The following SPATA16 variants were observed in gnomAD, a reference collection of about 807,000 sequenced individuals.
SPATA16 encodes the protein spermatogenesis-associated protein 16.
Under a neutral mutation model 63.3 loss-of-function variants are expected in SPATA16, and 36 were observed. The ratio of observed to expected loss-of-function variants is 0.57; its 90% CI spans 0.44 to 0.75. The LOEUF is 0.75. Ranked by LOEUF, SPATA16 falls within the 30% of genes least tolerant of loss-of-function variation. The pLI, the probability that SPATA16 is intolerant of heterozygous loss-of-function variation, is 0.00. For synonymous variants in SPATA16, 203 were observed against 216.7 expected, an observed-to-expected ratio of 0.94 and a Z score of 0.56; for missense variants, 646 against 679.3, an observed-to-expected ratio of 0.95 and a Z score of 0.54.
intron 3 of SPATA16, among the ~76,000 whole-genome samples, chr3:173,023,144 TGTGTGTGTG>T (rs1735374808): frequency 6.6e-6 from 1 of 150,758 alleles, no homozygotes; most frequent in African/African-American, 2.4e-5. Context: ...TGTATGTGTG[TGTGTGTGTG>T]TGTGTGTGTG....
intron 10 of SPATA16, among the ~76,000 whole-genome samples, chr3:172,893,430 G>A (rs978101380): frequency 2.0e-5 from 3 of 152,182 alleles, no homozygotes; most frequent in African/African-American, 7.2e-5. Context: ...GAGAGGCAGG[G>A]AACAGTTTCT....
intron 7 of SPATA16, 62 bp from the exon 8 acceptor site, chr3:172,924,379 T>G (rs1288334013): frequency 7.4e-7 from 1 of 1,348,830 alleles, no homozygotes; most frequent in Non-Finnish European, 1.1e-6. Context: ...CAAAATATTT[T>G]CTTTAGCAAG....
At chr3:172,941,835 T>C (rs1733153474) in intron 6 of SPATA16, among the ~76,000 whole-genome samples, 1 of 152,142 alleles carries the variant, frequency 6.6e-6, no homozygotes, top group Non-Finnish European at 1.5e-5. Flanking sequence ...AGGGAAAATA[T>C]CAGGTTAGAA....
At chr3:173,126,446 T>A (rs1252252147) in intron 1 of SPATA16, among the ~76,000 whole-genome samples, 2 of 152,228 alleles carry the variant, frequency 1.3e-5, no homozygotes, top group Non-Finnish European at 2.9e-5. Context: ...ATGAGCATCT[T>A]AAGACAAAGT....
chr3:173,019,869 C>T (rs11918858), intron 3 of SPATA16, among the ~76,000 whole-genome samples: 5,119 of 150,844 alleles, frequency 0.034, 297 homozygotes, highest in African/African-American at 0.12. Context: ...ACATATAAGA[C>T]ATGGTGCTAT....
At chr3:173,031,091 G>T (rs558094473) in intron 3 of SPATA16, among the ~76,000 whole-genome samples, 14 of 152,134 alleles carry the variant, frequency 9.2e-5, no homozygotes, top group African/African-American at 2.9e-4. Context: ...GGGGAACAGG[G>T]ATTTGTTATT....
At chr3:172,914,020 T>C (rs1732427675) in intron 9 of SPATA16, among the ~76,000 whole-genome samples, 1 of 152,100 alleles carries the variant, frequency 6.6e-6, no homozygotes, top group African/African-American at 2.4e-5. Flanking sequence ...GAAAAACAGA[T>C]TGGGGTTGTA....
intron 6 of SPATA16, 84 bp from the exon 7 acceptor site, chr3:172,925,576 G>A (rs1732712097): frequency 1.3e-6 from 2 of 1,547,490 alleles, no homozygotes; most frequent in African/African-American, 2.7e-5. Flanking sequence ...TTCAGGAATT[G>A]TACTTGGAAA....
At chr3:173,094,561 G>C (rs982354561) in intron 2 of SPATA16, among the ~76,000 whole-genome samples, 1 of 152,010 alleles carries the variant, frequency 6.6e-6, no homozygotes, top group Non-Finnish European at 1.5e-5. Context: ...ATATTTTAAA[G>C]GTTTTTGGAT....
intron 6 of SPATA16, among the ~76,000 whole-genome samples, chr3:172,938,796 C>A (rs933719721): frequency 6.6e-6 from 1 of 151,850 alleles, no homozygotes. Flanking sequence ...TCTTAATATA[C>A]GTCTCTGAGT....
chr3:173,113,005 T>G (rs567295195), intron 2 of SPATA16, among the ~76,000 whole-genome samples: 14 of 152,224 alleles, frequency 9.2e-5, no homozygotes, highest in Non-Finnish European at 2.9e-5. Context: ...TTGAGTGTTG[T>G]TCCAATAAGT....
intron 1 of SPATA16, among the ~76,000 whole-genome samples, chr3:173,128,392 G>A (rs1165898524): frequency 6.6e-6 from 1 of 152,018 alleles, no homozygotes; most frequent in East Asian, 1.9e-4. Context: ...AATGACCTGT[G>A]TCAGTACTGG....
intron 4 of SPATA16, among the ~76,000 whole-genome samples, chr3:172,982,672 A>C (rs1734348576): frequency 6.6e-6 from 1 of 151,136 alleles, no homozygotes; most frequent in Non-Finnish European, 1.5e-5. Context: ...ATAATGTGAC[A>C]TGTTATTATT....
intron 1 of SPATA16, among the ~76,000 whole-genome samples, chr3:173,140,344 T>A (rs1738676064): frequency 6.6e-6 from 1 of 152,026 alleles, no homozygotes; most frequent in East Asian, 1.9e-4. Context: ...TATCTATTAA[T>A]ATTTTATGGG....
chr3:172,959,268 C>A (rs1236354270), intron 5 of SPATA16, among the ~76,000 whole-genome samples: 1 of 152,180 alleles, frequency 6.6e-6, no homozygotes, highest in Non-Finnish European at 1.5e-5. Context: ...TGGTAAGACT[C>A]GTGCCCAAGA....
chr3:173,108,052 A>G (rs1737660380), intron 2 of SPATA16, among the ~76,000 whole-genome samples: 1 of 152,204 alleles, frequency 6.6e-6, no homozygotes, highest in Non-Finnish European at 1.5e-5. Flanking sequence ...ATTTACTGTC[A>G]TTTGAATCAA....
At chr3:173,050,051 C>T (rs1736050379) in intron 2 of SPATA16, among the ~76,000 whole-genome samples, 1 of 151,992 alleles carries the variant, frequency 6.6e-6, no homozygotes, top group Admixed American at 6.6e-5. Context: ...ATTTATATAT[C>T]CTTCAGTATA....
At chr3:172,959,336 T>A (rs1733685833) in intron 5 of SPATA16, among the ~76,000 whole-genome samples, 1 of 152,192 alleles carries the variant, frequency 6.6e-6, no homozygotes, top group African/African-American at 2.4e-5. Context: ...GGCAGCTTGA[T>A]CTGCTCATTG....
rs530763025 is a variant in SPATA16 at position 173,002,586 on chromosome 3, T to C, written c.848+16900A>G. Among the ~76,000 whole-genome samples, 5 of 152,264 alleles carry C rather than the reference T, an allele frequency of 3.3e-5. No homozygotes were observed. In the East Asian group the frequency reaches 9.6e-4, roughly 29 times the overall value. ...TTGGAATTCAAGTTCTTTTACAATG[T>C]ATATGAAAGAACAAAAGGCAAAGAA... On this transcript the variant is annotated intron_variant, in intron 4 of 10. Coordinates refer to ENST00000351008, the MANE Select transcript of SPATA16 (RefSeq NM_031955.6).
Sources: gnomAD v4.1 joint callset for allele counts (sites outside exome capture counted in the v4.1 genomes callset) on GRCh38, gnomAD v4.1.1 for gene constraint, MANE v1.5 for transcripts, NCBI Gene and HGNC (gene_info 2026-07-23, HGNC 2026-07-21) for gene names.